TAF3: variants seen among roughly 807,000 people sequenced by gnomAD.
TAF3 encodes transcription initiation factor TFIID subunit 3.
Under a neutral mutation model 80.6 loss-of-function variants are expected in TAF3, and 7 were observed. The ratio of observed to expected loss-of-function variants is 0.09; its 90% confidence interval spans 0.05 to 0.16. The LOEUF (loss-of-function observed/expected upper bound fraction) is 0.16. TAF3 is among the 10% of genes least tolerant of loss of function. The pLI is 1.00. For missense variants in TAF3, 921 were observed against 1,140.2 expected (o/e 0.81, Z 2.77); for synonymous variants, 444 against 446.1 (o/e 1.00, Z 0.06).
intron 4 of TAF3, among the ~76,000 whole-genome samples, chr10:7,978,784 A>T (rs1432483951): frequency 6.6e-6 from 1 of 152,228 alleles, no homozygotes; most frequent in Non-Finnish European, 1.5e-5. Context: ...TGCAGTTTAT[A>T]TTTATTCCCA....
At chr10:7,980,871 C>T (rs76967274) in intron 4 of TAF3, among the ~76,000 whole-genome samples, 3,134 of 152,234 alleles carry the variant, frequency 0.021, 61 homozygotes, top group Middle Eastern at 0.061. Context: ...ATTTGTCCTC[C>T]CCATCTTACT....
chr10:7,841,637 G>C (rs1836913256), intron 2 of TAF3, among the ~76,000 whole-genome samples: 1 of 91,268 alleles, frequency 1.1e-5, no homozygotes, highest in South Asian at 8.5e-4. Context: ...GCTTGTGGTA[G>C]TCACCCAAGG....
chr10:7,893,067 C>T (rs946328320), intron 2 of TAF3, among the ~76,000 whole-genome samples: 1 of 152,032 alleles, frequency 6.6e-6, no homozygotes, highest in Non-Finnish European at 1.5e-5. Context: ...TGATCCACCC[C>T]CCTTGGCTTC....
At chr10:7,965,789 A>G (rs899989288) in intron 3 of TAF3, 47 bp downstream of exon 3, 2 of 1,443,460 alleles carry the variant, frequency 1.4e-6, no homozygotes, top group Middle Eastern at 3.7e-4. Context: ...AGTCCTAGTG[A>G]GAAACACAGG....
intron 2 of TAF3, among the ~76,000 whole-genome samples, chr10:7,947,995 A>G (rs564564272): frequency 9.5e-5 from 13 of 136,776 alleles, no homozygotes; most frequent in South Asian, 9.0e-4. Context: ...TTCCTGACAT[A>G]CCTTTTATTA....
At chr10:7,983,547 ACTGT>A (rs1017862479) in intron 4 of TAF3, among the ~76,000 whole-genome samples, 1 of 152,186 alleles carries the variant, frequency 6.6e-6, no homozygotes, top group Admixed American at 6.5e-5. Context: ...TCCTAACAAA[ACTGT>A]CTGCTTTTGA....
intron 2 of TAF3, among the ~76,000 whole-genome samples, chr10:7,902,491 T>C (rs1837567871): frequency 6.6e-6 from 1 of 152,148 alleles, no homozygotes; most frequent in Non-Finnish European, 1.5e-5. Flanking sequence ...CAATATTGAC[T>C]GCGTGTGGTT....
At chr10:7,897,433 C>T (rs940430328) in intron 2 of TAF3, among the ~76,000 whole-genome samples, 1 of 152,186 alleles carries the variant, frequency 6.6e-6, no homozygotes, top group Middle Eastern at 3.2e-3. Context: ...CCTATGTATA[C>T]TGTCAGAGTT....
intron 4 of TAF3, among the ~76,000 whole-genome samples, chr10:7,978,405 G>A (rs1831693728): frequency 6.6e-6 from 1 of 152,156 alleles, no homozygotes; most frequent in Non-Finnish European, 1.5e-5. Context: ...TGAGCAGAGA[G>A]GCAACTTGGT....
At chr10:7,864,159 T>C (rs1470578343) in intron 2 of TAF3, among the ~76,000 whole-genome samples, 1 of 152,186 alleles carries the variant, frequency 6.6e-6, no homozygotes, top group Non-Finnish European at 1.5e-5. Flanking sequence ...GACAAATGTG[T>C]AATGACAAAT....
intron 2 of TAF3, among the ~76,000 whole-genome samples, chr10:7,904,021 G>T (rs1199510332): frequency 6.6e-6 from 1 of 152,214 alleles, no homozygotes; most frequent in Admixed American, 6.5e-5. Context: ...GTGCGTCTGA[G>T]TTGGAGCAGA....
At chr10:7,829,575 C>T (rs1045596559) in intron 2 of TAF3, among the ~76,000 whole-genome samples, 1 of 152,122 alleles carries the variant, frequency 6.6e-6, no homozygotes, top group Admixed American at 6.5e-5. Flanking sequence ...CATGATTAGA[C>T]TGGGGTTATG....
intron 2 of TAF3, among the ~76,000 whole-genome samples, chr10:7,879,131 A>G (rs989925249): frequency 1.3e-5 from 2 of 152,170 alleles, no homozygotes; most frequent in Admixed American, 6.5e-5. Context: ...AATGTTTAAT[A>G]TGGCCATGTT....
chr10:7,818,553 T>G lies in TAF3; in HGVS notation c.-157T>G. On this transcript the variant is annotated 5_prime_UTR_variant, in exon 1 of 7. Coordinates refer to ENST00000344293, the MANE Select transcript of TAF3 (RefSeq NM_031923.4). ...AATGGCGGCTCTCAGGCTGGCGCGCTCCGTGCTGCTGGGGCTTTGAGGTGG... is the reference window on the plus strand; with the variant it reads ...AATGGCGGCTCTCAGGCTGGCGCGCGCCGTGCTGCTGGGGCTTTGAGGTGG... The G allele has an allele frequency of 1.4e-6, 1 of 713,700 alleles. No individual in the cohort carries two copies. The highest frequency in any genetic ancestry group is 2.1e-6 in the Non-Finnish European group (1 of 477,706). 44.2% of individuals were successfully genotyped at this position (713,700 alleles called of 1,614,324 possible).
At chr10:7,876,697 G>A (rs942920772) in intron 2 of TAF3, among the ~76,000 whole-genome samples, 1 of 152,136 alleles carries the variant, frequency 6.6e-6, no homozygotes, top group African/African-American at 2.4e-5. Context: ...CTAAAAGTCA[G>A]GAAAGTTCTT....
intron 3 of TAF3, among the ~76,000 whole-genome samples, chr10:7,974,162 ACACACAC>A (rs1194813688): frequency 6.6e-6 from 1 of 151,720 alleles, no homozygotes; most frequent in Non-Finnish European, 1.5e-5. Context: ...ACACACACAC[ACACACAC>A]ACAAACACAC....
intron 2 of TAF3, among the ~76,000 whole-genome samples, chr10:7,884,195 T>G (rs192890418): frequency 4.6e-5 from 7 of 152,284 alleles, no homozygotes; most frequent in Non-Finnish European, 7.4e-5. Context: ...CCTTTACTGT[T>G]ATTATTTATT....
chr10:7,923,624 A>G (rs1837787465), intron 2 of TAF3, among the ~76,000 whole-genome samples: 8 of 151,594 alleles, frequency 5.3e-5, no homozygotes, highest in Admixed American at 5.3e-4. Context: ...CCCTCCCCCA[A>G]CAGTTGCTTT....
At chr10:7,830,735 C>A (rs573641629) in intron 2 of TAF3, among the ~76,000 whole-genome samples, 2 of 152,124 alleles carry the variant, frequency 1.3e-5, no homozygotes, top group African/African-American at 2.4e-5. Flanking sequence ...CCGCCAGCCT[C>A]GGCCTCCCAA....
Sources: allele counts gnomAD v4.1 joint callset (sites outside exome capture counted in the v4.1 genomes callset), GRCh38; gene constraint gnomAD v4.1.1; transcripts MANE v1.5; gene names NCBI Gene and HGNC (gene_info 2026-07-23, HGNC 2026-07-21).